Variants in LCN1 observed in about 807,000 individuals in gnomAD.
LCN1 encodes lipocalin 1, also known as lipocalin-1.
Under a neutral mutation model 22.3 loss-of-function variants are expected in LCN1, and 25 were observed. The ratio of observed to expected loss-of-function variants is 1.12; its 90% CI spans 0.82 to 1.56. The LOEUF (loss-of-function observed/expected upper bound fraction) is 1.56. LCN1 is among the 40% of genes most tolerant of loss of function. The probability of loss-of-function intolerance (pLI) is 0.00; values close to 1 mark genes in which losing one functional copy is unlikely to be tolerated. For synonymous variants in LCN1, 85 were observed against 97.6 expected (o/e 0.87, Z 0.76); for missense variants, 219 against 235.6 (o/e 0.93, Z 0.46).
intron 6 of LCN1, among the ~76,000 whole-genome samples, 186 bp downstream of exon 6, chr9:135,525,344 G>A (rs2118958532): frequency 6.6e-6 from 1 of 152,240 alleles, no homozygotes; most frequent in East Asian, 1.9e-4. Flanking sequence ...CTCCGTTCTT[G>A]CCCTGGGTGT....
In LCN1 at chr9:135,524,189, T is replaced by TCTGCAG. The variant is rs3833493; in HGVS notation, c.403+201_403+206dup. Among the ~76,000 whole-genome samples, 1,313 of 152,292 alleles carry TCTGCAG rather than the reference T, an allele frequency of 8.6e-3. 7 individuals carry two copies. The highest frequency in any genetic ancestry group is 0.013 in the Non-Finnish European group (917 of 68,010). Reference sequence around the variant, plus strand: ...GATTTGGGATGCCCCGGCCTCGGTATCTGCAGCAGAGGCAGGAAGGAGCCA... The same window carrying TCTGCAG: ...GATTTGGGATGCCCCGGCCTCGGTATCTGCAGCTGCAGCAGAGGCAGGAAGGAGCCA... On this transcript the variant is annotated intron_variant, in intron 4 of 6. Coordinates refer to ENST00000371781, the MANE Select transcript of LCN1 (RefSeq NM_002297.4).
rs758758972 is a variant in LCN1 at position 135,523,957 on chromosome 9, C to T, written c.370C>T (p.His124Tyr). ...CATCTTTTACTGTGAGGGCGAGCTGCACGGGAAGCCGGTCCGAGGGGTGAA... is the reference window on the plus strand; with the variant it reads ...CATCTTTTACTGTGAGGGCGAGCTGTACGGGAAGCCGGTCCGAGGGGTGAA... ...HYIFYCEGEL[H>Y]GKPVRGVKLV... Residue 124 changes from histidine (H) to tyrosine (Y), a missense_variant, in exon 4 of 7, where the codon CAC (histidine) becomes TAC (tyrosine). Coordinates refer to ENST00000371781, the MANE Select transcript of LCN1 (RefSeq NM_002297.4). The T allele has an allele frequency of 6.8e-5, 109 of 1,614,084 alleles. No homozygotes were observed. In the South Asian group the frequency reaches 1.2e-3, roughly 18 times the overall value.
rs113368614 is a variant in LCN1 at position 135,522,092 on chromosome 9, T to A, written c.136T>A (p.Phe46Ile). 8 of 1,593,852 alleles carry A rather than the reference T, an allele frequency of 5.0e-6. No individual in the cohort carries two copies. The East Asian group carries it at 1.8e-4, about 36-fold the overall frequency. Residue 46 changes from phenylalanine to isoleucine, a missense_variant, in exon 2 of 7, where the codon TTC (phenylalanine) becomes ATC (isoleucine). Transcript: ENST00000371781. ...YLKAMTVDRE[F>I]PEMNLESVTP... ...GAAGGCCATGACGGTGGACAGGGAG[T>A]TCCCTGAGATGAATCTGGAATCGGT...
chr9:135,525,136 C>G lies in LCN1; in HGVS notation c.510C>G (p.Thr170=). 1 of 1,613,710 alleles carries G rather than the reference C, an allele frequency of 6.2e-7. No homozygotes were observed. Among genetic ancestry groups the G allele is most frequent in the Non-Finnish European group, 8.5e-7 (1 of 1,179,770 alleles). ...ESILIPRQSE[T]CSPGSD is the part of the protein sequence containing the mutation. The stretch of plus-strand genomic sequence containing the variant: ...CTGTGCTTCCTTTTCCTGCAGAAAC[C>G]TGCTCTCCAGGGAGCGATTAGGGTG... Residue 170 remains threonine (T), a synonymous_variant, in exon 6 of 7, where the codon ACC becomes ACG. Transcript: ENST00000371781.
Position 135,526,280 on chromosome 9 carries a change from C to T in LCN1, c.*2-64C>T, listed in dbSNP as rs541728434. On this transcript the variant is annotated intron_variant, in intron 6 of 6. Coordinates refer to ENST00000371781, the MANE Select transcript of LCN1 (RefSeq NM_002297.4). ...CAGCACCCAAGAGCCCACATGCGCC[C>T]CCACATTGCATCCCCCTCCCACCCT... 340 of 613,470 alleles carry T rather than the reference C, an allele frequency of 5.5e-4. 3 individuals are homozygous for T. In the African/African-American group the frequency reaches 6.8e-3, roughly 12 times the overall value. 38.0% of individuals were successfully genotyped at this position (613,470 alleles called of 1,614,324 possible).
intron 1 of LCN1, 130 bp from the exon 2 acceptor site, chr9:135,521,917 G>A: frequency 2.1e-6 from 3 of 1,430,768 alleles, no homozygotes; most frequent in Non-Finnish European, 2.8e-6. Flanking sequence ...TGTTTTCTGG[G>A]TGGGTTAGAT....
At chr9:135,522,800 C>T (rs1340779872) in intron 2 of LCN1, among the ~76,000 whole-genome samples, 3 of 151,976 alleles carry the variant, frequency 2.0e-5, no homozygotes, top group African/African-American at 7.2e-5. Context: ...ATTTTTTTTT[C>T]CCCCAAAGCC....
chr9:135,522,514 A>G (rs1173144681), intron 2 of LCN1, among the ~76,000 whole-genome samples: 1 of 152,220 alleles, frequency 6.6e-6, no homozygotes, highest in Non-Finnish European at 1.5e-5. Flanking sequence ...TCCTGGCAGT[A>G]AATTTCTGCT....
intron 3 of LCN1, 91 bp from the exon 4 acceptor site, chr9:135,523,789 G>A (rs1831558901): frequency 1.5e-5 from 16 of 1,059,700 alleles, no homozygotes; most frequent in Middle Eastern, 2.3e-4. Flanking sequence ...GGAGCTGCGG[G>A]GCTTGCTGGG....
At position 135,525,145 on chromosome 9, in the gene LCN1, A is replaced by T. The variant is rs1379699354; in HGVS notation, c.519A>T (p.Pro173=). The change falls in exon 6 of 7, where the codon CCA becomes CCT. Residue 173 remains proline, a synonymous_variant. Transcript: ENST00000371781. The part of the protein sequence containing the change: ...LIPRQSETCS[P]GSD ...CTTTTCCTGCAGAAACCTGCTCTCC[A>T]GGGAGCGATTAGGGTGAGTGAACAG... 6 of 1,613,676 alleles carry T rather than the reference A, an allele frequency of 3.7e-6. No individual in the cohort carries two copies. Among genetic ancestry groups the T allele is most frequent in the Non-Finnish European group, 4.2e-6 (5 of 1,179,764 alleles).
intron 4 of LCN1, 139 bp from the exon 5 acceptor site, chr9:135,524,691 C>T: frequency 1.5e-6 from 1 of 660,712 alleles, no homozygotes; most frequent in Non-Finnish European, 2.6e-6. Flanking sequence ...ACTTTGCCAG[C>T]CTGAGGGCCT....
intron 4 of LCN1, 58 bp from the exon 5 acceptor site, chr9:135,524,772 G>A (rs1831587553): frequency 1.5e-6 from 2 of 1,352,484 alleles, no homozygotes; most frequent in Non-Finnish European, 2.0e-6. Context: ...AGACTGGGAT[G>A]GGGTGCCGTC....
At position 135,525,125 on chromosome 9, in the gene LCN1, C is replaced by G; in HGVS notation, c.506-7C>G. On this transcript the variant is annotated splice_region_variant and splice_polypyrimidine_tract_variant and intron_variant, in intron 5 of 6. Transcript: ENST00000371781. ...TCTCCTAACGCCTGTGCTTCCTTTTCCTGCAGAAACCTGCTCTCCAGGGAG... is the reference window on the plus strand; with the variant it reads ...TCTCCTAACGCCTGTGCTTCCTTTTGCTGCAGAAACCTGCTCTCCAGGGAG... 1.2e-6 allele frequency: 2 copies of G among 1,613,472 alleles called. No homozygotes were observed. The highest frequency in any genetic ancestry group is 1.7e-6 in the Non-Finnish European group (2 of 1,179,676).
intron 4 of LCN1, among the ~76,000 whole-genome samples, 169 bp from the exon 5 acceptor site, chr9:135,524,660 CG>C (rs1326629714): frequency 1.3e-5 from 2 of 152,186 alleles, no homozygotes; most frequent in African/African-American, 4.8e-5. Flanking sequence ...CCTTCTCAGC[CG>C]TGCACGGCAC....
At chr9:135,522,709 C>T (rs1831530016) in intron 2 of LCN1, among the ~76,000 whole-genome samples, 1 of 152,238 alleles carries the variant, frequency 6.6e-6, no homozygotes. Flanking sequence ...CGCATGGCTC[C>T]CTCCTGAGTG....
At chr9:135,525,507 C>T (rs771734253) in intron 6 of LCN1, among the ~76,000 whole-genome samples, 1 of 152,160 alleles carries the variant, frequency 6.6e-6, no homozygotes, top group Non-Finnish European at 1.5e-5. Flanking sequence ...GCCTGTGACT[C>T]CACTTACCCG....
intron 4 of LCN1, 133 bp from the exon 5 acceptor site, chr9:135,524,697 G>A (rs907500721): frequency 2.5e-5 from 17 of 672,624 alleles, no homozygotes; most frequent in Middle Eastern, 2.5e-4. Flanking sequence ...CCAGCCTGAG[G>A]GCCTCTGGGT....
intron 2 of LCN1, 28 bp from the exon 3 acceptor site, chr9:135,523,204 G>C (rs367826767): frequency 1.2e-6 from 2 of 1,606,368 alleles, no homozygotes; most frequent in Non-Finnish European, 1.7e-6. Flanking sequence ...GGCCAGGGCC[G>C]CTTTGCCAGG....
chr9:135,525,272 G>A, intron 6 of LCN1, 114 bp downstream of exon 6: 15 of 1,039,556 alleles, frequency 1.4e-5, no homozygotes, highest in South Asian at 4.8e-5. Context: ...GGTGGGAGAT[G>A]CCCCACGTAG....
Sources: gnomAD v4.1 joint callset for allele counts (sites outside exome capture counted in the v4.1 genomes callset) on GRCh38, gnomAD v4.1.1 for gene constraint, MANE v1.5 for transcripts, NCBI Gene and HGNC (gene_info 2026-07-23, HGNC 2026-07-21) for gene names.